The following GLB1 variants were observed in gnomAD, a reference collection of about 807,000 sequenced individuals.
The protein encoded by GLB1 is galactosidase beta 1.
GLB1 carries 56 observed loss-of-function variants against 74.0 expected under a neutral mutation model. The ratio of observed to expected loss-of-function variants is 0.76; its 90% CI spans 0.61 to 0.94. GLB1 has a LOEUF of 0.94. Ranked by LOEUF, GLB1 falls within the 40% of genes least tolerant of loss-of-function variation. The pLI is 0.00. For missense variants in GLB1, 787 were observed against 845.5 expected, an observed-to-expected ratio of 0.93 and a Z score of 0.86; for synonymous variants, 323 against 323.6, an observed-to-expected ratio of 1.00 and a Z score of 0.02.
Position 33,068,983 on chromosome 3 carries a change from A to G in GLB1, c.246-13T>C, listed in dbSNP as rs551474730. 1.1e-5 allele frequency: 18 copies of G among 1,614,052 alleles called. No individual in the cohort carries two copies. The highest frequency in any genetic ancestry group is 1.4e-5 in the Non-Finnish European group (16 of 1,180,018). ...CCAGGGCACATACCTGCCAAGACAC[A>G]CACAGCCCCTTCCTGGATACTTGGC... On this transcript the variant is annotated splice_polypyrimidine_tract_variant and intron_variant, in intron 2 of 15. Coordinates refer to ENST00000307363, the MANE Select transcript of GLB1 (RefSeq NM_000404.4).
intron 14 of GLB1, among the ~76,000 whole-genome samples, chr3:33,015,238 G>A (rs1435349139): frequency 2.0e-5 from 3 of 152,128 alleles, no homozygotes; most frequent in African/African-American, 4.8e-5. Context: ...CAGGTACGAC[G>A]GATGCAGCCA....
At chr3:33,023,839 G>A (rs960955219) in intron 11 of GLB1, among the ~76,000 whole-genome samples, 3 of 152,248 alleles carry the variant, frequency 2.0e-5, no homozygotes, top group South Asian at 2.1e-4. Flanking sequence ...ATATAATTTA[G>A]GGCAGAGGTC....
chr3:32,982,798 C>T, the GLB1 span, among the ~76,000 whole-genome samples: 2 of 152,138 alleles, frequency 1.3e-5, no homozygotes, highest in South Asian at 4.1e-4. Context: ...GTGTACCCTT[C>T]AGTGAGAGTC....
At chr3:33,087,397 C>A (rs920496192) in intron 1 of GLB1, among the ~76,000 whole-genome samples, 2 of 152,050 alleles carry the variant, frequency 1.3e-5, no homozygotes, top group Non-Finnish European at 1.5e-5. Context: ...TGGTGAAACC[C>A]CGTCTCTACT....
At chr3:33,055,553 C>T (rs1699182318) in intron 6 of GLB1, among the ~76,000 whole-genome samples, 1 of 150,428 alleles carries the variant, frequency 6.6e-6, no homozygotes, top group African/African-American at 2.4e-5. Flanking sequence ...CTCTGGCTCC[C>T]GGGTTCAAGC....
intron 4 of GLB1, 47 bp from the exon 5 acceptor site, chr3:33,065,604 G>A: frequency 6.5e-7 from 1 of 1,548,760 alleles, no homozygotes; most frequent in Non-Finnish European, 8.7e-7. Flanking sequence ...ACCCCAGCCT[G>A]TAAGCCACAT....
At chr3:33,017,622 G>A (rs1697288688) in intron 13 of GLB1, among the ~76,000 whole-genome samples, 1 of 152,214 alleles carries the variant, frequency 6.6e-6, no homozygotes, top group Non-Finnish European at 1.5e-5. Context: ...GAGAGGACTG[G>A]AAGTCCTGAA....
At chr3:32,962,638 C>T in the GLB1 span, among the ~76,000 whole-genome samples, 1 of 151,968 alleles carries the variant, frequency 6.6e-6, no homozygotes, top group Non-Finnish European at 1.5e-5. Context: ...GTTAATACAT[C>T]AAACTCAATT....
At chr3:33,013,963 A>G (rs1262651658) in intron 15 of GLB1, 93 bp downstream of exon 15, 12 of 1,602,382 alleles carry the variant, frequency 7.5e-6, no homozygotes, top group Non-Finnish European at 8.5e-6. Context: ...CCATCACACG[A>G]TATCTCACTA....
At chr3:33,018,120 C>T (rs1235853864) in intron 13 of GLB1, among the ~76,000 whole-genome samples, 2 of 150,754 alleles carry the variant, frequency 1.3e-5, no homozygotes, top group African/African-American at 4.9e-5. Flanking sequence ...CCTGTCTCTA[C>T]AAAAAAAATC....
At chr3:33,004,646 G>A (rs1696712536) in intron 15 of GLB1, among the ~76,000 whole-genome samples, 1 of 152,220 alleles carries the variant, frequency 6.6e-6, no homozygotes, top group African/African-American at 2.4e-5. Flanking sequence ...ACACCTGTGA[G>A]CACTCAGTAC....
chr3:33,054,029 T>C (rs954910127), intron 6 of GLB1, among the ~76,000 whole-genome samples: 57 of 148,094 alleles, frequency 3.8e-4, no homozygotes, highest in African/African-American at 1.4e-3. Flanking sequence ...ATTTTTTTTA[T>C]TAAAAAAAAT....
intron 4 of GLB1, among the ~76,000 whole-genome samples, chr3:33,067,543 A>C (rs1699734544): frequency 6.6e-6 from 1 of 152,142 alleles, no homozygotes; most frequent in Admixed American, 6.5e-5. Flanking sequence ...GGCCTCCCAA[A>C]GTGCTGAGAT....
At chr3:33,022,012 G>A (rs192074859) in intron 11 of GLB1, among the ~76,000 whole-genome samples, 3 of 152,210 alleles carry the variant, frequency 2.0e-5, no homozygotes, top group East Asian at 3.9e-4. Context: ...AAACAACTAA[G>A]AAGTAAAAGT....
At chr3:33,023,506 C>CTATT (rs760619407) in intron 11 of GLB1, among the ~76,000 whole-genome samples, 27 of 151,756 alleles carry the variant, frequency 1.8e-4, no homozygotes, top group Non-Finnish European at 2.8e-4. Flanking sequence ...AAGATAAAAA[C>CTATT]TTACGATACT....
At chr3:32,999,696 G>A (rs563548729) in intron 15 of GLB1, among the ~76,000 whole-genome samples, 26 of 152,280 alleles carry the variant, frequency 1.7e-4, no homozygotes, top group Admixed American at 6.5e-4. Flanking sequence ...GGAGGTTATC[G>A]TGCAGTGGTG....
intron 9 of GLB1, among the ~76,000 whole-genome samples, chr3:33,048,793 C>T (rs1381549249): frequency 6.6e-6 from 1 of 152,202 alleles, no homozygotes; most frequent in Non-Finnish European, 1.5e-5. Context: ...GGCTCACCAC[C>T]ACCTGAGTTC....
the GLB1 span, among the ~76,000 whole-genome samples, chr3:32,971,026 C>G: frequency 6.6e-6 from 1 of 152,186 alleles, no homozygotes; most frequent in African/African-American, 2.4e-5. Flanking sequence ...TGGTTTGACA[C>G]AAGAGAGGCT....
intron 1 of GLB1, among the ~76,000 whole-genome samples, chr3:33,075,469 C>T (rs913845234): frequency 6.6e-6 from 1 of 152,200 alleles, no homozygotes; most frequent in Admixed American, 6.5e-5. Context: ...ATCTCCCTAC[C>T]ATCCATTTAC....
Sources: allele counts gnomAD v4.1 joint callset (sites outside exome capture counted in the v4.1 genomes callset), GRCh38; gene constraint gnomAD v4.1.1; transcripts MANE v1.5; gene names NCBI Gene and HGNC (gene_info 2026-07-23, HGNC 2026-07-21).